The following POU2F1 variants were observed in gnomAD, a reference collection of about 807,000 sequenced individuals.
The protein encoded by POU2F1 is POU class 2 homeobox 1.
A neutral mutation model predicts 84.9 loss-of-function variants in POU2F1; 16 were observed. The observed-to-expected ratio is 0.19, with a 90% CI of 0.13 to 0.29. POU2F1 has a LOEUF of 0.29. Ranked by LOEUF, POU2F1 falls within the 10% of genes least tolerant of loss-of-function variation. POU2F1 has a pLI of 1.00. For synonymous variants in POU2F1, 368 were observed against 368.3 expected (o/e 1.00, Z 0.01); for missense variants, 738 against 942.6 (o/e 0.78, Z 2.84).
intron 1 of POU2F1, among the ~76,000 whole-genome samples, chr1:167,315,411 A>C (rs774856593): frequency 1.8e-4 from 28 of 152,184 alleles, no homozygotes; most frequent in Non-Finnish European, 2.9e-4. Flanking sequence ...GAATGTTTAC[A>C]GCAGGTTTAT....
At chr1:167,388,876 C>T (rs1398922575) in intron 8 of POU2F1, among the ~76,000 whole-genome samples, 1 of 152,132 alleles carries the variant, frequency 6.6e-6, no homozygotes, top group African/African-American at 2.4e-5. Flanking sequence ...TGCCTGTCTC[C>T]ATCACCCTCT....
intron 2 of POU2F1, chr1:167,337,823 T>C (rs1457627713): frequency 4.0e-6 from 1 of 250,866 alleles, no homozygotes; most frequent in Non-Finnish European, 7.9e-6. Context: ...GGACATTGAT[T>C]AGTAAGGAAA....
chr1:167,310,312 G>A (rs1051553301), intron 1 of POU2F1, among the ~76,000 whole-genome samples: 1 of 151,956 alleles, frequency 6.6e-6, no homozygotes, highest in South Asian at 2.1e-4. Flanking sequence ...ATGGGAAAAG[G>A]CCAAATATAT....
At chr1:167,365,273 G>A (rs981491024) in intron 2 of POU2F1, among the ~76,000 whole-genome samples, 194 bp from the exon 3 acceptor site, 10 of 152,148 alleles carry the variant, frequency 6.6e-5, no homozygotes, top group Non-Finnish European at 1.0e-4. Context: ...CAGTGTTTGT[G>A]TACTTGTCAT....
intron 1 of POU2F1, chr1:167,257,777 T>G (rs1651255795): frequency 6.8e-6 from 1 of 147,952 alleles, no homozygotes; most frequent in African/African-American, 2.4e-5. Context: ...GAAGCAGGTT[T>G]TTTTTTTTTT....
chr1:167,370,980 G>A (rs1256058088), intron 4 of POU2F1, among the ~76,000 whole-genome samples: 2 of 152,184 alleles, frequency 1.3e-5, no homozygotes, highest in African/African-American at 2.4e-5. Context: ...AGTCAAGAGG[G>A]AAAGACAGTA....
intron 2 of POU2F1, among the ~76,000 whole-genome samples, chr1:167,335,136 T>TA (rs1275937512): frequency 6.6e-6 from 1 of 152,190 alleles, no homozygotes; most frequent in Non-Finnish European, 1.5e-5. Context: ...TTTAGGTTTT[T>TA]AAAAAATGTA....
At chr1:167,259,530 T>A (rs1353741422) in intron 1 of POU2F1, among the ~76,000 whole-genome samples, 1 of 152,184 alleles carries the variant, frequency 6.6e-6, no homozygotes, top group Non-Finnish European at 1.5e-5. Flanking sequence ...CTCAGAATAA[T>A]CCAGTATATA....
chr1:167,230,076 A>G (rs1213963154), intron 1 of POU2F1, among the ~76,000 whole-genome samples: 1 of 152,206 alleles, frequency 6.6e-6, no homozygotes, highest in African/African-American at 2.4e-5. Flanking sequence ...TTGAAGATCT[A>G]TCTTGGGAGG....
rs1650412855 is a variant in POU2F1 at position 167,417,896 on chromosome 1, A to G, written c.*2086A>G. ...TAGTCCCCTTTAAAATATTTCTTTT[A>G]GTTTATTTCTATCGTGTTTTATTTC... On this transcript the variant is annotated 3_prime_UTR_variant, in exon 16 of 16. Coordinates refer to ENST00000367866, the MANE Select transcript of POU2F1 (RefSeq NM_002697.4). 1 of 152,156 alleles carries G rather than the reference A, an allele frequency of 6.6e-6. No homozygotes were observed. Among genetic ancestry groups the G allele is most frequent in the Non-Finnish European group, 1.5e-5 (1 of 68,012 alleles). 9.4% of individuals were successfully genotyped at this position (152,156 alleles called of 1,614,324 possible). A position where few individuals can be genotyped will look rare whatever the true frequency, so the allele number is the denominator to read the frequency against.
intron 15 of POU2F1, 106 bp from the exon 16 acceptor site, chr1:167,415,394 C>T: frequency 2.4e-6 from 3 of 1,268,036 alleles, no homozygotes; most frequent in Middle Eastern, 1.9e-4. Context: ...ATACTTTTTC[C>T]TGGTGGGTTG....
chr1:167,364,664 A>G (rs1182923007), intron 2 of POU2F1, among the ~76,000 whole-genome samples: 1 of 142,818 alleles, frequency 7.0e-6, no homozygotes, highest in East Asian at 2.1e-4. Context: ...TGCAACCTCC[A>G]CCTCCTGGGC....
At position 167,389,857 on chromosome 1, in the gene POU2F1, C is replaced by G. The variant is rs1648267943; in HGVS notation, c.987+96C>G. On this transcript the variant is annotated intron_variant, in intron 9 of 15. Coordinates refer to ENST00000367866, the MANE Select transcript of POU2F1 (RefSeq NM_002697.4). The stretch of plus-strand genomic sequence containing the variant: ...ATGGATTCCACATCTGTGGATTCAA[C>G]TAGTCCAAAATATTTGGGACGGGGG... 2.2e-6 allele frequency: 3 copies of G among 1,379,192 alleles called. No homozygotes were observed. The Admixed American group carries it at 6.2e-5, about 28-fold the overall frequency. The allele number at this position is 1,379,192 out of a possible 1,614,324, so 85.4% of individuals were successfully genotyped here. A position where few individuals can be genotyped will look rare whatever the true frequency, so the allele number is the denominator to read the frequency against.
At chr1:167,247,038 A>ATGTGTG (rs10592064) in intron 1 of POU2F1, among the ~76,000 whole-genome samples, 64 of 75,030 alleles carry the variant, frequency 8.5e-4, no homozygotes, top group Admixed American at 6.2e-4. Flanking sequence ...TTATATATAT[A>ATGTGTG]TGTGTGTGTG....
intron 1 of POU2F1, among the ~76,000 whole-genome samples, chr1:167,246,143 A>G (rs1014884438): frequency 6.6e-6 from 1 of 152,248 alleles, no homozygotes; most frequent in African/African-American, 2.4e-5. Flanking sequence ...GAGCCCTTCT[A>G]TCAGATTTAT....
rs1286041664 is a variant in POU2F1, at chr1:167,324,791, G to A, written c.62-7679G>A. ...TTATTTGGCAGTGCTTAATAGCCACGTTGATAAAGTACATGTCTTTCATGG... is the reference window on the plus strand; with the variant it reads ...TTATTTGGCAGTGCTTAATAGCCACATTGATAAAGTACATGTCTTTCATGG... On this transcript the variant is annotated intron_variant, in intron 1 of 15. Coordinates refer to ENST00000367866, the MANE Select transcript of POU2F1 (RefSeq NM_002697.4). Among the ~76,000 whole-genome samples the A allele has an allele frequency of 2.6e-5, 4 of 152,244 alleles. No homozygotes were observed. In the East Asian group the frequency reaches 7.7e-4, roughly 29 times the overall value.
intron 2 of POU2F1, among the ~76,000 whole-genome samples, chr1:167,344,745 G>T (rs1295543756): frequency 6.6e-6 from 1 of 152,206 alleles, no homozygotes; most frequent in African/African-American, 2.4e-5. Context: ...GGAGGAAGGG[G>T]AGGATGATAG....
chr1:167,256,330 T>C (rs1651130784), intron 1 of POU2F1, among the ~76,000 whole-genome samples: 1 of 151,594 alleles, frequency 6.6e-6, no homozygotes, highest in Non-Finnish European at 1.5e-5. Context: ...ACTCTACTTC[T>C]GGCTATTCTA....
chr1:167,353,685 G>A (rs1658739739), intron 2 of POU2F1, among the ~76,000 whole-genome samples: 1 of 152,106 alleles, frequency 6.6e-6, no homozygotes, highest in Non-Finnish European at 1.5e-5. Flanking sequence ...CAATCTGGAT[G>A]TGTACCCAGA....
Sources: allele counts gnomAD v4.1 joint callset (sites outside exome capture counted in the v4.1 genomes callset), GRCh38; gene constraint gnomAD v4.1.1; transcripts MANE v1.5; gene names NCBI Gene and HGNC (gene_info 2026-07-23, HGNC 2026-07-21).